Variants in TBCD observed in about 807,000 individuals in gnomAD.
TBCD encodes the protein tubulin folding cofactor D.
A neutral mutation model predicts 169.3 loss-of-function variants in TBCD; 105 were observed. The ratio of observed to expected loss-of-function variants is 0.62; its 90% confidence interval spans 0.53 to 0.73. TBCD has a LOEUF of 0.73. TBCD is among the 30% of genes least tolerant of loss of function. The pLI, the probability that TBCD is intolerant of heterozygous loss-of-function variation, is 0.00. For synonymous variants in TBCD, 700 were observed against 643.9 expected, an observed-to-expected ratio of 1.09 and a Z score of -1.32; for missense variants, 1,444 against 1,600.1, an observed-to-expected ratio of 0.90 and a Z score of 1.66.
chr17:82,916,667 G>T (rs8069773), intron 23 of TBCD, among the ~76,000 whole-genome samples: 67,729 of 151,994 alleles, frequency 0.45, 15,476 homozygotes, highest in African/African-American at 0.54. Flanking sequence ...ACTTATTACT[G>T]TATTGGAGAC....
At position 82,831,528 on chromosome 17, in the gene TBCD, C is replaced by G. The variant is rs778751897; in HGVS notation, c.1318+16594C>G. ...GAATCGGCAGGTTAGAGGGATATTG[C>G]TGGAAAAACCTGTAGTGATCGTATG... is the stretch of plus-strand genomic sequence containing the variant. On this transcript the variant is annotated intron_variant, in intron 13 of 38. Transcript: ENST00000355528. The surrounding 1 kb of genome is among the most constrained non-coding windows in gnomAD (Gnocchi z 4.6). 3 of 1,614,086 alleles carry G rather than the reference C, an allele frequency of 1.9e-6. No individual in the cohort carries two copies. The highest frequency in any genetic ancestry group is 1.1e-5 in the South Asian group (1 of 91,078).
Position 82,870,319 on chromosome 17 carries a change from T to G in TBCD, c.1414T>G (p.Trp472Gly), listed in dbSNP as rs2057465971. ...CAGGGACGCCGCCTGCTACGTGTGC[T>G]GGGCCTTCGCGCGTGCCTATGAGCC... ...NVRDAACYVC[W>G]AFARAYEPQE... Residue 472 changes from tryptophan to glycine, a missense_variant, in exon 14 of 39, where the codon TGG becomes GGG. Coordinates refer to ENST00000355528, the MANE Select transcript of TBCD (RefSeq NM_005993.5). The G allele has an allele frequency of 3.7e-6, 6 of 1,613,452 alleles. No individual in the cohort carries two copies. The highest frequency in any genetic ancestry group is 5.1e-6 in the Non-Finnish European group (6 of 1,179,886).
intron 13 of TBCD, among the ~76,000 whole-genome samples, chr17:82,822,319 G>A (rs2052481884): frequency 1.3e-5 from 2 of 152,188 alleles, no homozygotes; most frequent in Admixed American, 1.3e-4. Context: ...GGATAAAGTC[G>A]TTAAGAAAAT....
rs2047128239 is a variant in TBCD at position 82,752,095 on chromosome 17, C to G, written c.-99C>G. ...CGTCGGTTGCCGCCTTAGCGGGCGCCTCCTTTTCATCCCTCATCCTTCATC... is the reference window on the plus strand; with the variant it reads ...CGTCGGTTGCCGCCTTAGCGGGCGCGTCCTTTTCATCCCTCATCCTTCATC... On this transcript the variant is annotated 5_prime_UTR_variant, in exon 1 of 39. Transcript: ENST00000355528. The G allele has an allele frequency of 1.5e-6, 2 of 1,306,676 alleles. No homozygotes were observed. 80.9% of individuals were successfully genotyped at this position (1,306,676 alleles called of 1,614,324 possible).
At chr17:82,929,680 G>A in intron 32 of TBCD, 180 bp downstream of exon 32, 1 of 851,800 alleles carries the variant, frequency 1.2e-6, no homozygotes, top group Non-Finnish European at 1.9e-6. Context: ...GGAGGCTTAG[G>A]GCCTGTGGGA....
At chr17:82,813,536 C>G (rs1177316060) in intron 12 of TBCD, among the ~76,000 whole-genome samples, 1 of 152,196 alleles carries the variant, frequency 6.6e-6, no homozygotes, top group Non-Finnish European at 1.5e-5. Flanking sequence ...CCCCTGGACC[C>G]TGCCACCCTT....
intron 15 of TBCD, among the ~76,000 whole-genome samples, chr17:82,888,348 C>T (rs1359666349): frequency 6.6e-6 from 1 of 152,170 alleles, no homozygotes; most frequent in Non-Finnish European, 1.5e-5. Flanking sequence ...GACTGTTTTC[C>T]CTGTTTTAGG....
intron 35 of TBCD, chr17:82,937,600 GC>G (rs2062738724): frequency 3.3e-6 from 2 of 599,440 alleles, no homozygotes; most frequent in African/African-American, 4.1e-5. Flanking sequence ...CTCGCGCTCT[GC>G]CCTGGCGGGA....
At chr17:82,830,329 GC>G (rs2053368781) in intron 13 of TBCD, 1 of 1,613,936 alleles carries the variant, frequency 6.2e-7, no homozygotes. Flanking sequence ...TTGCCGGCAG[GC>G]AGGTTCCGGG....
At position 82,900,640 on chromosome 17, in the gene TBCD, G is replaced by A. The variant is rs372007952; in HGVS notation, c.1650-11G>A. 1 of 1,613,036 alleles carries A rather than the reference G, an allele frequency of 6.2e-7. No individual in the cohort carries two copies. Among genetic ancestry groups the A allele is most frequent in the Non-Finnish European group, 8.5e-7 (1 of 1,179,032 alleles). On this transcript the variant is annotated splice_polypyrimidine_tract_variant and intron_variant, in intron 17 of 38. Transcript: ENST00000355528. Reference sequence around the variant, plus strand: ...CCGCGTCTCACCACCTCTCCATGCTGTCTTTTCCAGTGTGTTTATTGCCGG... The same window carrying A: ...CCGCGTCTCACCACCTCTCCATGCTATCTTTTCCAGTGTGTTTATTGCCGG...
Position 82,865,790 on chromosome 17 carries a change from C to T in TBCD, c.1319-4434C>T, listed in dbSNP as rs1214349942. On this transcript the variant is annotated intron_variant, in intron 13 of 38. Transcript: ENST00000355528. ...GAGAATGCCTGGATCCCTTCTGCCC[C>T]TTGGGGTCACATATTGCAGTGGGGA... Among the ~76,000 whole-genome samples the T allele has an allele frequency of 1.6e-4, 24 of 152,208 alleles. 1 individual carries two copies. The highest frequency in any genetic ancestry group is 1.5e-3 in the Admixed American group (23 of 15,276).
At chr17:82,828,030 C>T (rs1034137356) in intron 13 of TBCD, among the ~76,000 whole-genome samples, 8 of 151,458 alleles carry the variant, frequency 5.3e-5, no homozygotes, top group Non-Finnish European at 8.8e-5. Flanking sequence ...CACGTGGACA[C>T]GCACGATTCA....
intron 4 of TBCD, among the ~76,000 whole-genome samples, chr17:82,768,212 C>T (rs113689056): frequency 3.1e-4 from 47 of 152,106 alleles, no homozygotes; most frequent in African/African-American, 4.3e-4. Flanking sequence ...AGCTAAGTTA[C>T]GGCGGTAGGT....
intron 2 of TBCD, among the ~76,000 whole-genome samples, chr17:82,760,427 G>A (rs1230900905): frequency 1.3e-5 from 2 of 152,094 alleles, no homozygotes. Context: ...GTGAAGGTTG[G>A]TGATTTTCTT....
intron 14 of TBCD, among the ~76,000 whole-genome samples, chr17:82,881,065 C>T (rs886114371): frequency 6.6e-6 from 1 of 152,184 alleles, no homozygotes; most frequent in Admixed American, 6.5e-5. Flanking sequence ...CACCCTATTC[C>T]CCTTGGGCTC....
At chr17:82,906,609 G>A (rs2060266220) in intron 20 of TBCD, among the ~76,000 whole-genome samples, 1 of 152,252 alleles carries the variant, frequency 6.6e-6, no homozygotes, top group Non-Finnish European at 1.5e-5. Context: ...CTTCCCAGTC[G>A]AGTCTTCCTC....
At chr17:82,815,061 CT>C in intron 13 of TBCD, 127 bp downstream of exon 13, 1 of 1,440,000 alleles carries the variant, frequency 6.9e-7, no homozygotes, top group South Asian at 1.4e-5. Context: ...CGTCACCAGG[CT>C]GTCCGTGGCA....
chr17:82,755,913 AG>A (rs1469684031), intron 1 of TBCD, among the ~76,000 whole-genome samples: 3 of 152,124 alleles, frequency 2.0e-5, no homozygotes, highest in African/African-American at 4.8e-5. Context: ...GTGGGAAAAG[AG>A]GAACAGTGTG....
intron 37 of TBCD, 74 bp downstream of exon 37, chr17:82,939,550 C>T (rs927521103): frequency 2.6e-5 from 31 of 1,205,222 alleles, no homozygotes; most frequent in Middle Eastern, 3.8e-4. Flanking sequence ...CGTGTCTACT[C>T]GTCTCTCCCA....
Sources: allele counts gnomAD v4.1 joint callset (sites outside exome capture counted in the v4.1 genomes callset), GRCh38; gene constraint gnomAD v4.1.1; non-coding constraint Gnocchi (gnomAD v3.1); transcripts MANE v1.5; gene names NCBI Gene and HGNC (gene_info 2026-07-23, HGNC 2026-07-21).